The following GLIS3 variants were observed in gnomAD, a reference collection of about 807,000 sequenced individuals.
The protein encoded by GLIS3 is zinc finger protein GLIS3.
GLIS3 carries 53 observed loss-of-function variants against 78.6 expected under a neutral mutation model. That is an observed-to-expected ratio of 0.67 (90% CI 0.54 to 0.85). GLIS3 has a LOEUF of 0.85. GLIS3 is among the 40% of genes least tolerant of loss of function. The pLI is 0.00. For missense variants in GLIS3, 1,703 were observed against 1,231.1 expected, an observed-to-expected ratio of 1.38 and a Z score of -5.74; for synonymous variants, 684 against 509.9, an observed-to-expected ratio of 1.34 and a Z score of -4.60.
the GLIS3 span, among the ~76,000 whole-genome samples, chr9:4,391,989 T>C: frequency 1.3e-5 from 2 of 152,086 alleles, no homozygotes; most frequent in East Asian, 1.9e-4. Flanking sequence ...AGCAAAGACA[T>C]GGAATCAATG....
At chr9:4,321,070 T>G (rs1205437030) in intron 2 of GLIS3, among the ~76,000 whole-genome samples, 2 of 151,808 alleles carry the variant, frequency 1.3e-5, no homozygotes, top group African/African-American at 4.8e-5. Flanking sequence ...TGCTCTTCTA[T>G]TCCAGTCATC....
chr9:3,828,432 A>G (rs377640060), intron 10 of GLIS3, 24 bp from the exon 11 acceptor site: 2 of 1,611,868 alleles, frequency 1.2e-6, no homozygotes, highest in African/African-American at 1.3e-5. Flanking sequence ...AACGCAGTTA[A>G]GTCAGTAACT....
chr9:4,254,515 G>T (rs932972201), intron 2 of GLIS3, among the ~76,000 whole-genome samples: 3 of 152,136 alleles, frequency 2.0e-5, no homozygotes, highest in Non-Finnish European at 2.9e-5. Flanking sequence ...ATCTGGAAGG[G>T]TTAGAAGAGC....
the GLIS3 span, among the ~76,000 whole-genome samples, chr9:4,466,733 G>C: frequency 6.6e-6 from 1 of 152,174 alleles, no homozygotes; most frequent in Non-Finnish European, 1.5e-5. Flanking sequence ...CAGAAGATGG[G>C]TGATTTCTGC....
At chr9:4,275,161 TCA>T (rs1826869045) in intron 2 of GLIS3, among the ~76,000 whole-genome samples, 1 of 152,122 alleles carries the variant, frequency 6.6e-6, no homozygotes, top group Admixed American at 6.5e-5. Flanking sequence ...TATACCGATG[TCA>T]CTCAGGTGGC....
chr9:4,093,772 G>A (rs1050545645), intron 4 of GLIS3, among the ~76,000 whole-genome samples: 3 of 152,128 alleles, frequency 2.0e-5, no homozygotes, highest in African/African-American at 7.2e-5. Flanking sequence ...ATTTCATGCT[G>A]CTAAATATCT....
rs180972888 is a variant in GLIS3, at chr9:4,194,148, C to T, written c.389-68207G>A. 4.8e-3 allele frequency among the ~76,000 whole-genome samples: 725 copies of T among 152,252 alleles called. 4 individuals carry two copies. Among genetic ancestry groups the T allele is most frequent in the African/African-American group, 0.017 (688 of 41,540 alleles). ...TCTCGGCTCTCTGCAACCTCCACCTCCTGGGTTCAAGCAACTCTCCTGCCT... is the reference window on the plus strand; with the variant it reads ...TCTCGGCTCTCTGCAACCTCCACCTTCTGGGTTCAAGCAACTCTCCTGCCT... On this transcript the variant is annotated intron_variant, in intron 2 of 10. Transcript: ENST00000381971.
At chr9:4,268,262 C>G (rs552108965) in intron 2 of GLIS3, among the ~76,000 whole-genome samples, 1 of 152,280 alleles carries the variant, frequency 6.6e-6, no homozygotes, top group South Asian at 2.1e-4. Flanking sequence ...ATGGTACCCA[C>G]TCCACTGGGT....
the GLIS3 span, among the ~76,000 whole-genome samples, chr9:4,370,920 T>C: frequency 6.6e-6 from 1 of 152,056 alleles, no homozygotes. Context: ...TCATAACGCC[T>C]TCAAAATAGC....
the GLIS3 span, among the ~76,000 whole-genome samples, chr9:4,421,185 A>C: frequency 6.6e-6 from 1 of 152,196 alleles, no homozygotes; most frequent in Non-Finnish European, 1.5e-5. Flanking sequence ...GATATTCATG[A>C]AAGGCTGAAA....
At chr9:4,390,102 T>A in the GLIS3 span, among the ~76,000 whole-genome samples, 5 of 152,162 alleles carry the variant, frequency 3.3e-5, no homozygotes, top group African/African-American at 1.2e-4. Flanking sequence ...ACATTTGAGG[T>A]AGAGGGAACC....
At chr9:3,837,538 A>T (rs1818428999) in intron 9 of GLIS3, among the ~76,000 whole-genome samples, 1 of 152,252 alleles carries the variant, frequency 6.6e-6, no homozygotes, top group Non-Finnish European at 1.5e-5. Context: ...TCAGTAGGCA[A>T]ACGAATAAAT....
intron 2 of GLIS3, among the ~76,000 whole-genome samples, chr9:4,143,833 C>G (rs150274426): frequency 9.1e-4 from 138 of 152,304 alleles, no homozygotes; most frequent in African/African-American, 3.2e-3. Context: ...ATTTGTCTTT[C>G]TGTAGCATCT....
intron 4 of GLIS3, among the ~76,000 whole-genome samples, chr9:4,005,477 A>G (rs1310271443): frequency 6.6e-6 from 1 of 152,218 alleles, no homozygotes; most frequent in Non-Finnish European, 1.5e-5. Flanking sequence ...CCTAGGAGCT[A>G]AACTGCATGA....
At chr9:3,868,282 T>TA (rs1459715916) in intron 8 of GLIS3, among the ~76,000 whole-genome samples, 1 of 152,214 alleles carries the variant, frequency 6.6e-6, no homozygotes, top group Non-Finnish European at 1.5e-5. Flanking sequence ...TTTTCTCAGA[T>TA]ATAATGGAGA....
At chr9:4,100,266 G>C (rs1167832912) in intron 4 of GLIS3, among the ~76,000 whole-genome samples, 1 of 152,096 alleles carries the variant, frequency 6.6e-6, no homozygotes, top group Non-Finnish European at 1.5e-5. Context: ...TGCCAGGGCT[G>C]AACTGTTAAA....
intron 4 of GLIS3, among the ~76,000 whole-genome samples, chr9:4,074,338 C>T (rs891483324): frequency 2.6e-5 from 4 of 152,146 alleles, no homozygotes; most frequent in African/African-American, 9.7e-5. Context: ...ATTTAGTTCT[C>T]CTCTTTCCTG....
chr9:4,006,304 C>CAAAAA (rs71497513), intron 4 of GLIS3, among the ~76,000 whole-genome samples: 3 of 32,536 alleles, frequency 9.2e-5, no homozygotes, highest in Non-Finnish European at 1.3e-4. Flanking sequence ...TCATATGTCT[C>CAAAAA]AAAAAAAAAA....
At chr9:4,348,490 A>G (rs1817923668), upstream of GLIS3, 3 of 152,226 alleles carry the variant, frequency 2.0e-5, no homozygotes, top group South Asian at 6.2e-4. Context: ...TCAAATTGAT[A>G]ATAACTATTC....
Sources: gnomAD v4.1 joint callset for allele counts (sites outside exome capture counted in the v4.1 genomes callset) on GRCh38, gnomAD v4.1.1 for gene constraint, MANE v1.5 for transcripts, NCBI Gene and HGNC (gene_info 2026-07-23, HGNC 2026-07-21) for gene names.